PTPRS: variants seen among roughly 807,000 people sequenced by gnomAD.
The protein encoded by PTPRS is protein tyrosine phosphatase receptor type S.
Under a neutral mutation model 215.3 loss-of-function variants are expected in PTPRS, and 63 were observed. The ratio of observed to expected loss-of-function variants is 0.29; its 90% CI spans 0.24 to 0.36. PTPRS has a LOEUF of 0.36. PTPRS is among the 10% of genes least tolerant of loss of function. PTPRS has a pLI of 1.00. For synonymous variants in PTPRS, 1,404 were observed against 1,191.4 expected, an observed-to-expected ratio of 1.18 and a Z score of -3.68; for missense variants, 2,258 against 2,825.8, an observed-to-expected ratio of 0.80 and a Z score of 4.56.
At chr19:5,324,052 A>C (rs1174525375) in intron 1 of PTPRS, among the ~76,000 whole-genome samples, 1 of 152,024 alleles carries the variant, frequency 6.6e-6, no homozygotes, top group Non-Finnish European at 1.5e-5. Flanking sequence ...CAACATGGTG[A>C]AACCCCATCT....
At position 5,257,535 on chromosome 19, in the gene PTPRS, C is replaced by A. The variant is rs1024567186; in HGVS notation, c.706+482G>T. ...CCCTCCTCAACTTCTAGATTGAGGG[C>A]CCTGGATTAGGGGGGGCAGTGAAGC... is the stretch of plus-strand genomic sequence containing the variant. On this transcript the variant is annotated intron_variant, in intron 8 of 37. Coordinates refer to ENST00000262963, the MANE Select transcript of PTPRS (RefSeq NM_002850.4). This position sits in a 1 kb window ranked among gnomAD's most constrained non-coding sequence, Gnocchi z 4.4. The A allele has an allele frequency of 1.3e-5, 6 of 446,228 alleles. No homozygotes were observed. The highest frequency in any genetic ancestry group is 2.3e-5 in the Non-Finnish European group (5 of 222,174). The allele number at this position is 446,228 out of a possible 1,614,324, so 27.6% of individuals were successfully genotyped here.
intron 11 of PTPRS, among the ~76,000 whole-genome samples, chr19:5,243,641 G>A (rs1331275100): frequency 4.6e-5 from 7 of 151,386 alleles, no homozygotes; most frequent in African/African-American, 7.3e-5. Flanking sequence ...CACCACGCCC[G>A]GCTAATTTTT....
At chr19:5,255,256 T>C (rs374719863) in intron 9 of PTPRS, among the ~76,000 whole-genome samples, 1 of 152,214 alleles carries the variant, frequency 6.6e-6, no homozygotes, top group Non-Finnish European at 1.5e-5. Context: ...CCCACCCATG[T>C]TCTGACCTCC....
Position 5,244,605 on chromosome 19 carries a change from G to C in PTPRS, c.989-123C>G, listed in dbSNP as rs756592387. ...TTGATTTGCCCAGCAGTAATCATGGGCCTCATGACTCCTGTCATCGTCTAC... is the reference window on the plus strand; with the variant it reads ...TTGATTTGCCCAGCAGTAATCATGGCCCTCATGACTCCTGTCATCGTCTAC... On this transcript the variant is annotated intron_variant, in intron 10 of 37. Coordinates refer to ENST00000262963, the MANE Select transcript of PTPRS (RefSeq NM_002850.4). The surrounding 1 kb of genome is among the most constrained non-coding windows in gnomAD (Gnocchi z 7.2). The C allele has an allele frequency of 8.5e-5, 62 of 732,532 alleles. No individual in the cohort carries two copies. Among genetic ancestry groups the C allele is most frequent in the Non-Finnish European group, 1.3e-4 (57 of 450,120 alleles). 45.4% of individuals were successfully genotyped at this position (732,532 alleles called of 1,614,324 possible).
intron 23 of PTPRS, 169 bp from the exon 24 acceptor site, chr19:5,218,967 A>C: frequency 1.4e-6 from 1 of 718,104 alleles, no homozygotes; most frequent in Non-Finnish European, 2.3e-6. Context: ...CCCCCTGCCT[A>C]TCGACACCAC....
chr19:5,247,146 C>T (rs2044569596), intron 9 of PTPRS, among the ~76,000 whole-genome samples: 1 of 151,624 alleles, frequency 6.6e-6, no homozygotes, highest in Non-Finnish European at 1.5e-5. Context: ...TCCAATGTGA[C>T]ATGCCACATT....
Position 5,294,891 on chromosome 19 carries a change from G to C in PTPRS, c.-94-8657C>G, listed in dbSNP as rs896144137. 1.3e-5 allele frequency among the ~76,000 whole-genome samples: 2 copies of C among 152,148 alleles called. No homozygotes were observed. The highest frequency in any genetic ancestry group is 4.8e-5 in the African/African-American group (2 of 41,426). ...AACACAGGATGCCGTGACGTCCCCC[G>C]TCCCACGCAGCCCCATCCTCGACGA... On this transcript the variant is annotated intron_variant, in intron 1 of 37. Transcript: ENST00000262963. The surrounding 1 kb of genome is among the most constrained non-coding windows in gnomAD (Gnocchi z 5.1).
At chr19:5,218,267 T>C (rs1053444597) in intron 25 of PTPRS, among the ~76,000 whole-genome samples, 153 bp downstream of exon 25, 3 of 150,846 alleles carry the variant, frequency 2.0e-5, no homozygotes, top group African/African-American at 7.3e-5. Context: ...CCCAGATCCA[T>C]GTAGGGTTGG....
At position 5,208,116 on chromosome 19, in the gene PTPRS, GACCACCCGATTCCCCGAGGACTCTA is replaced by G. The variant is rs1360283010; in HGVS notation, c.5643-84_5643-60del. On this transcript the variant is annotated intron_variant, in intron 36 of 37. Transcript: ENST00000262963. ...GGCAGGTGCTGGGGAGCCCTGATCT[GACCACCCGATTCCCCGAGGACTCTA>G]ACAGCCCAGATGGGACAGCCTAAGC... The G allele has an allele frequency of 5.7e-6, 9 of 1,586,640 alleles. No homozygotes were observed. The Admixed American group carries it at 1.5e-4, about 27-fold the overall frequency.
At chr19:5,315,352 T>G (rs76856508) in intron 1 of PTPRS, among the ~76,000 whole-genome samples, 1 of 69,108 alleles carries the variant, frequency 1.4e-5, no homozygotes, top group East Asian at 4.1e-4. Flanking sequence ...TTGAAAAGGG[T>G]TTTTTTTTTT....
At chr19:5,229,436 A>AG in intron 15 of PTPRS, 55 bp downstream of exon 15, 2 of 1,365,284 alleles carry the variant, frequency 1.5e-6, no homozygotes, top group Non-Finnish European at 1.9e-6. Context: ...GGGGAGCGCA[A>AG]GGGCCCGTCC....
At chr19:5,335,122 C>T (rs528696048) in intron 1 of PTPRS, among the ~76,000 whole-genome samples, 6 of 152,348 alleles carry the variant, frequency 3.9e-5, no homozygotes, top group Admixed American at 1.3e-4. Context: ...ATCCTCCCAG[C>T]CTCTCTCCCC....
intron 1 of PTPRS, among the ~76,000 whole-genome samples, chr19:5,322,650 C>T (rs562293053): frequency 7.4e-4 from 113 of 152,180 alleles, no homozygotes; most frequent in Non-Finnish European, 1.3e-3. Context: ...GAGGCTGAGG[C>T]GGGCGGATCA....
intron 25 of PTPRS, among the ~76,000 whole-genome samples, chr19:5,217,260 A>G (rs1019313599): frequency 1.3e-5 from 2 of 152,384 alleles, no homozygotes; most frequent in Admixed American, 6.5e-5. Context: ...GTCCAGAGAC[A>G]GAAATGAGAT....
intron 1 of PTPRS, among the ~76,000 whole-genome samples, chr19:5,312,874 G>C (rs1349663069): frequency 6.6e-6 from 1 of 152,148 alleles, no homozygotes; most frequent in Non-Finnish European, 1.5e-5. Flanking sequence ...GCAGCAGAGG[G>C]GGGACATGAG....
chr19:5,309,635 C>T (rs577636702), intron 1 of PTPRS, among the ~76,000 whole-genome samples: 30 of 152,282 alleles, frequency 2.0e-4, no homozygotes, highest in Middle Eastern at 3.4e-3. Flanking sequence ...TCACCATCTT[C>T]GCCACCTCAG....
chr19:5,219,639 C>G (rs994356462), intron 22 of PTPRS, among the ~76,000 whole-genome samples, 172 bp from the exon 23 acceptor site: 10 of 152,212 alleles, frequency 6.6e-5, no homozygotes, highest in African/African-American at 2.4e-4. Context: ...TTTGCTCTCC[C>G]CATTCCCTTC....
chr19:5,223,260 G>C lies in PTPRS; in HGVS notation c.2532C>G (p.Pro844=). The C allele has an allele frequency of 3.4e-6, 5 of 1,478,096 alleles. No individual in the cohort carries two copies. Among genetic ancestry groups the C allele is most frequent in the Non-Finnish European group, 3.6e-6 (4 of 1,118,000 alleles). The allele number at this position is 1,478,096 out of a possible 1,614,324, so 91.6% of individuals were successfully genotyped here. ...CCCAGCGTGCCAGCAGGCTGCCCTCGGGGGTCTGCTGCACCGACAGGGTTG... is the reference window on the plus strand; with the variant it reads ...CCCAGCGTGCCAGCAGGCTGCCCTCCGGGGTCTGCTGCACCGACAGGGTTG... ...GRPTLSVQQT[P]EGSLLARWEP... Residue 844 remains proline (P), a synonymous_variant, in exon 18 of 38, where the codon CCC becomes CCG. Transcript: ENST00000262963.
At chr19:5,248,344 A>G (rs1312681405) in intron 9 of PTPRS, among the ~76,000 whole-genome samples, 2 of 152,120 alleles carry the variant, frequency 1.3e-5, no homozygotes, top group Admixed American at 1.3e-4. Context: ...CAAACAAACG[A>G]AAAAACTCCC....
Sources: gnomAD v4.1 joint callset for allele counts (sites outside exome capture counted in the v4.1 genomes callset) on GRCh38, gnomAD v4.1.1 for gene constraint, Gnocchi (gnomAD v3.1) non-coding constraint, MANE v1.5 for transcripts, NCBI Gene and HGNC (gene_info 2026-07-23, HGNC 2026-07-21) for gene names.